The following FAM135B variants were observed in gnomAD, a reference collection of about 807,000 sequenced individuals.
The protein encoded by FAM135B is protein FAM135B.
A neutral mutation model predicts 127.7 loss-of-function variants in FAM135B; 43 were observed. The observed-to-expected ratio is 0.34, with a 90% CI of 0.26 to 0.43. The LOEUF (loss-of-function observed/expected upper bound fraction) is 0.43. Among genes scored for constraint, FAM135B ranks in the 20% least tolerant of loss-of-function variants. FAM135B has a pLI of 1.00. For missense variants in FAM135B, 1,558 were observed against 1,725.6 expected (o/e 0.90, Z 1.72); for synonymous variants, 670 against 665.1 (o/e 1.01, Z -0.11).
chr8:138,465,441 C>T (rs1326814554), intron 1 of FAM135B, among the ~76,000 whole-genome samples: 1 of 152,202 alleles, frequency 6.6e-6, no homozygotes, highest in Non-Finnish European at 1.5e-5. Flanking sequence ...ACAAGAGAAA[C>T]TCAGGGCTGA....
intron 1 of FAM135B, among the ~76,000 whole-genome samples, chr8:138,390,717 C>A (rs1409398985): frequency 6.6e-6 from 1 of 152,172 alleles, no homozygotes; most frequent in East Asian, 1.9e-4. Flanking sequence ...GTCCATCCAT[C>A]ACTGATATTC....
At chr8:138,386,274 C>A (rs1318792438) in intron 1 of FAM135B, among the ~76,000 whole-genome samples, 4 of 151,572 alleles carry the variant, frequency 2.6e-5, no homozygotes, top group African/African-American at 9.7e-5. Flanking sequence ...CAAACAACAA[C>A]CTAACCTCAC....
intron 12 of FAM135B, among the ~76,000 whole-genome samples, chr8:138,159,625 G>A (rs1819161862): frequency 7.7e-6 from 1 of 129,362 alleles, no homozygotes. Context: ...GAGGGGGGAG[G>A]GATAGCATTA....
chr8:138,242,889 T>C lies in FAM135B; in HGVS notation c.669+53A>G. On this transcript the variant is annotated intron_variant, in intron 7 of 19. Coordinates refer to ENST00000395297, the MANE Select transcript of FAM135B (RefSeq NM_015912.4). This position sits in a 1 kb window ranked among gnomAD's most constrained non-coding sequence, Gnocchi z 9.6. ...AGCATGAATCTCATAGAACATACAC[T>C]CTGCAAAGTAAAGTTTGAAAGTTTT... 3 of 1,579,216 alleles carry C rather than the reference T, an allele frequency of 1.9e-6. No homozygotes were observed. Among genetic ancestry groups the C allele is most frequent in the Non-Finnish European group, 2.6e-6 (3 of 1,164,694 alleles).
intron 3 of FAM135B, among the ~76,000 whole-genome samples, chr8:138,309,558 T>G (rs1826507328): frequency 6.6e-6 from 1 of 152,226 alleles, no homozygotes; most frequent in African/African-American, 2.4e-5. Flanking sequence ...TGTTCTATCA[T>G]GTGGCCTGGG....
At chr8:138,155,412 A>C (rs1384026168) in intron 12 of FAM135B, among the ~76,000 whole-genome samples, 1 of 152,242 alleles carries the variant, frequency 6.6e-6, no homozygotes, top group Admixed American at 6.5e-5. Context: ...ACCAGCTAAC[A>C]TCATAATGAC....
At chr8:138,388,765 G>C (rs748144433) in intron 1 of FAM135B, among the ~76,000 whole-genome samples, 3 of 152,152 alleles carry the variant, frequency 2.0e-5, no homozygotes, top group Non-Finnish European at 4.4e-5. Context: ...ACAGGCAGAG[G>C]ACAGAGGATT....
chr8:138,344,199 A>C (rs1829243926), intron 2 of FAM135B, among the ~76,000 whole-genome samples: 1 of 152,222 alleles, frequency 6.6e-6, no homozygotes, highest in Non-Finnish European at 1.5e-5. Flanking sequence ...GGATTTACAA[A>C]AGATAAGAAG....
chr8:138,324,186 G>T (rs72725605), intron 2 of FAM135B, among the ~76,000 whole-genome samples: 5,353 of 152,260 alleles, frequency 0.035, 125 homozygotes, highest in Middle Eastern at 0.082. Context: ...CATTACGAGA[G>T]ATCACATTTA....
intron 7 of FAM135B, among the ~76,000 whole-genome samples, chr8:138,198,590 C>T (rs1816854230): frequency 6.6e-6 from 1 of 152,198 alleles, no homozygotes; most frequent in African/African-American, 2.4e-5. Context: ...GCTGAAAGCA[C>T]ACCTGTAAAC....
At chr8:138,158,214 A>T (rs76761430) in intron 12 of FAM135B, among the ~76,000 whole-genome samples, 127,769 of 152,210 alleles carry the variant, frequency 0.84, 54,286 homozygotes, top group East Asian at 1. Context: ...TTCCCTTTTT[A>T]AATAAATGGT....
chr8:138,167,998 G>C lies in FAM135B; in HGVS notation c.1155C>G (p.Leu385=). 6.2e-7 allele frequency: 1 copy of C among 1,613,972 alleles called. No individual in the cohort carries two copies. Among genetic ancestry groups the C allele is most frequent in the African/African-American group, 1.3e-5 (1 of 75,032 alleles). Residue 385 remains leucine, a synonymous_variant, in exon 12 of 20, where the codon CTC becomes CTG. Transcript: ENST00000395297. ...CTGCAGGCAGCGGGGGCATGCTAGTGAGGTACTCCGAGTTCCGGATATCCA... is the reference window on the plus strand; with the variant it reads ...CTGCAGGCAGCGGGGGCATGCTAGTCAGGTACTCCGAGTTCCGGATATCCA... ...LSLDIRNSEY[L]TSMPPLPAEC... is the part of the protein sequence containing the mutation.
intron 3 of FAM135B, among the ~76,000 whole-genome samples, chr8:138,285,552 A>C (rs1008011896): frequency 1.3e-5 from 2 of 152,180 alleles, no homozygotes; most frequent in African/African-American, 4.8e-5. Flanking sequence ...TAATATCAAC[A>C]AAAAATCTAG....
At position 138,456,936 on chromosome 8, in the gene FAM135B, G is replaced by A. The variant is rs564676955; in HGVS notation, c.-20+39735C>T. ...CACCACTGACATGGAAAGATAAAACGGGGGAAGGACCAGGAAAATCATCCT... is the reference window on the plus strand; with the variant it reads ...CACCACTGACATGGAAAGATAAAACAGGGGAAGGACCAGGAAAATCATCCT... On this transcript the variant is annotated intron_variant, in intron 1 of 19. Transcript: ENST00000395297. Among the ~76,000 whole-genome samples, 15 of 152,038 alleles carry A rather than the reference G, an allele frequency of 9.9e-5. No homozygotes were observed. In the East Asian group the frequency reaches 2.9e-3, roughly 29 times the overall value.
At chr8:138,351,746 G>A (rs1829801000) in intron 2 of FAM135B, among the ~76,000 whole-genome samples, 1 of 145,192 alleles carries the variant, frequency 6.9e-6, no homozygotes, top group Non-Finnish European at 1.5e-5. Context: ...CTGGAGCGCA[G>A]TGGTACAATC....
intron 7 of FAM135B, among the ~76,000 whole-genome samples, chr8:138,208,139 C>T (rs764038798): frequency 1.3e-5 from 2 of 152,150 alleles, no homozygotes; most frequent in African/African-American, 2.4e-5. Flanking sequence ...TCCTATCACC[C>T]AGGGTGCTCA....
chr8:138,343,599 G>A (rs1316462603), intron 2 of FAM135B, among the ~76,000 whole-genome samples: 3 of 152,126 alleles, frequency 2.0e-5, no homozygotes, highest in African/African-American at 2.4e-5. Flanking sequence ...TGCTTTCACC[G>A]CCAGTGCCCA....
chr8:138,219,984 A>T (rs1818896029), intron 7 of FAM135B, among the ~76,000 whole-genome samples: 1 of 151,774 alleles, frequency 6.6e-6, no homozygotes, highest in Non-Finnish European at 1.5e-5. Flanking sequence ...CCCCAAACAT[A>T]CTGATTGTTC....
At chr8:138,347,106 AGAAT>A (rs143057372) in intron 2 of FAM135B, among the ~76,000 whole-genome samples, 74,169 of 151,056 alleles carry the variant, frequency 0.49, 19,906 homozygotes, top group East Asian at 0.82. Flanking sequence ...AACAAAAGGA[AGAAT>A]GAATGAATGA....
Sources: gnomAD v4.1 joint callset for allele counts (sites outside exome capture counted in the v4.1 genomes callset) on GRCh38, gnomAD v4.1.1 for gene constraint, Gnocchi (gnomAD v3.1) non-coding constraint, MANE v1.5 for transcripts, NCBI Gene and HGNC (gene_info 2026-07-23, HGNC 2026-07-21) for gene names.